The following ZBTB49 variants were observed in gnomAD, a reference collection of about 807,000 sequenced individuals.
The protein encoded by ZBTB49 is zinc finger and BTB domain-containing protein 49.
ZBTB49 carries 43 observed loss-of-function variants against 57.5 expected under a neutral mutation model. The ratio of observed to expected loss-of-function variants is 0.75; its 90% confidence interval spans 0.59 to 0.97. ZBTB49 has a LOEUF of 0.97. ZBTB49 is among the 50% of genes least tolerant of loss of function. ZBTB49 has a pLI of 0.00. For missense variants in ZBTB49, 938 were observed against 947.7 expected (o/e 0.99, Z 0.13); for synonymous variants, 369 against 362.1 (o/e 1.02, Z -0.22).
intron 7 of ZBTB49, among the ~76,000 whole-genome samples, chr4:4,319,602 C>T (rs971670954): frequency 6.6e-6 from 1 of 152,238 alleles, no homozygotes; most frequent in Non-Finnish European, 1.5e-5. Flanking sequence ...GAGCTGATCA[C>T]TTAAGGCCAG....
rs778343533 is a variant in ZBTB49, at chr4:4,302,344, T to C, written c.508T>C (p.Leu170=). The C allele has an allele frequency of 2.7e-5, 43 of 1,614,110 alleles. No homozygotes were observed. The highest frequency in any genetic ancestry group is 5.0e-5 in the Admixed American group (3 of 60,006). ...AGCAGATGCACAGCAGAACAAAACG[T>C]TGGATGAATCGCATCCGCATGCTTC... The part of the protein sequence containing the change: ...CSADAQQNKT[L]DESHPHASPS... The change falls in exon 3 of 8, where the codon TTG becomes CTG. Residue 170 remains leucine, a synonymous_variant. Transcript: ENST00000337872.
intron 4 of ZBTB49, among the ~76,000 whole-genome samples, chr4:4,310,877 A>G (rs1001552014): frequency 1.3e-5 from 2 of 152,068 alleles, no homozygotes; most frequent in African/African-American, 2.4e-5. Context: ...TGGTCTGTGC[A>G]CCTAAGATAT....
rs986768337 is a variant in ZBTB49 at position 4,301,973 on chromosome 4, T to C, written c.153-16T>C. 14 of 1,501,746 alleles carry C rather than the reference T, an allele frequency of 9.3e-6. No individual in the cohort carries two copies. Among genetic ancestry groups the C allele is most frequent in the Non-Finnish European group, 1.2e-5 (14 of 1,126,826 alleles). The allele number at this position is 1,501,746 out of a possible 1,614,324, so 93.0% of individuals were successfully genotyped here. ...GAATTTTTGGCACTGTAAACAGATATTCTTTCTTTTACCAGGAGCCTCTTT... is the reference window on the plus strand; with the variant it reads ...GAATTTTTGGCACTGTAAACAGATACTCTTTCTTTTACCAGGAGCCTCTTT... On this transcript the variant is annotated splice_polypyrimidine_tract_variant and intron_variant, in intron 2 of 7. Coordinates refer to ENST00000337872, the MANE Select transcript of ZBTB49 (RefSeq NM_145291.4).
chr4:4,297,717 T>G (rs1186498957), intron 1 of ZBTB49, among the ~76,000 whole-genome samples: 1 of 144,874 alleles, frequency 6.9e-6, no homozygotes, highest in East Asian at 2.0e-4. Context: ...AAGACTGCAG[T>G]GGGCTCTAAT....
At chr4:4,312,144 C>T (rs1222003636) in intron 4 of ZBTB49, among the ~76,000 whole-genome samples, 1 of 152,120 alleles carries the variant, frequency 6.6e-6, no homozygotes, top group African/African-American at 2.4e-5. Flanking sequence ...GGTATATTAC[C>T]TCATTTCAGT....
At chr4:4,310,941 G>A (rs1308740789) in intron 4 of ZBTB49, among the ~76,000 whole-genome samples, 1 of 152,130 alleles carries the variant, frequency 6.6e-6, no homozygotes, top group Non-Finnish European at 1.5e-5. Context: ...ATTGACTAAA[G>A]CTCTAATAAT....
intron 7 of ZBTB49, among the ~76,000 whole-genome samples, chr4:4,319,177 G>A (rs549236069): frequency 6.6e-6 from 1 of 152,120 alleles, no homozygotes; most frequent in Non-Finnish European, 1.5e-5. Context: ...ACAGGTGTGA[G>A]CCACCTCACC....
intron 1 of ZBTB49, among the ~76,000 whole-genome samples, chr4:4,295,306 G>C (rs184927318): frequency 1.3e-5 from 2 of 152,096 alleles, no homozygotes; most frequent in African/African-American, 2.4e-5. Flanking sequence ...GAACCGGGTG[G>C]GGGGAGCAGG....
At chr4:4,290,859 T>C (rs1719866539) in intron 1 of ZBTB49, among the ~76,000 whole-genome samples, 1 of 152,282 alleles carries the variant, frequency 6.6e-6, no homozygotes, top group Admixed American at 6.5e-5. Context: ...TAGCGGCACC[T>C]GCGTCCCTGG....
chr4:4,321,289 G>C lies in ZBTB49; in HGVS notation c.2271G>C (p.Leu757=). The change falls in exon 8 of 8, where the codon CTG becomes CTC. Residue 757 remains leucine, a synonymous_variant. Transcript: ENST00000337872. ...TCTGGGGGCTAGCGATGAAGACGCT[G>C]CAGAATGAAAACGAGTTAGACCAGT... ...MTLWGLAMKT[L]QNENELDQ The C allele has an allele frequency of 3.1e-6, 5 of 1,612,802 alleles. No individual in the cohort carries two copies. The highest frequency in any genetic ancestry group is 4.2e-6 in the Non-Finnish European group (5 of 1,180,016).
intron 6 of ZBTB49, 44 bp downstream of exon 6, chr4:4,315,762 A>C: frequency 1.2e-6 from 2 of 1,613,876 alleles, no homozygotes; most frequent in Non-Finnish European, 1.7e-6. Context: ...ATTTCTGATT[A>C]AAATGTTCTC....
chr4:4,309,836 C>A (rs1044558813), intron 4 of ZBTB49, among the ~76,000 whole-genome samples: 1 of 152,184 alleles, frequency 6.6e-6, no homozygotes, highest in South Asian at 2.1e-4. Flanking sequence ...ACACCTTTAC[C>A]GTTGAATGTC....
At chr4:4,293,560 G>A (rs1159046529) in intron 1 of ZBTB49, among the ~76,000 whole-genome samples, 5 of 152,196 alleles carry the variant, frequency 3.3e-5, no homozygotes. Context: ...CTGTTGCTGT[G>A]TAACACTCTA....
Position 4,302,575 on chromosome 4 carries a change from A to T in ZBTB49, c.739A>T (p.Thr247Ser), listed in dbSNP as rs781095798. 6.2e-7 allele frequency: 1 copy of T among 1,613,916 alleles called. No individual in the cohort carries two copies. Among genetic ancestry groups the T allele is most frequent in the African/African-American group, 1.3e-5 (1 of 74,926 alleles). Reference sequence around the variant, plus strand: ...GCAGCCTTTTGCTTTCAGCACCTCTACAGACCTTACCACGGTAGAGAGCCA... The same window carrying T: ...GCAGCCTTTTGCTTTCAGCACCTCTTCAGACCTTACCACGGTAGAGAGCCA... ...VEQPFAFSTS[T>S]DLTTVESQPC... The change falls in exon 3 of 8, where the codon ACA becomes TCA. Residue 247 changes from threonine to serine, a missense_variant. By Grantham distance (58) the Thr-to-Ser change is moderately conservative (BLOSUM62 1). This residue lies in a region of ZBTB49 where 835 missense variants were observed against 819.1 expected (regional missense o/e 1.02). Transcript: ENST00000337872.
At position 4,321,461 on chromosome 4, in the gene ZBTB49, T is replaced by C; in HGVS notation, c.*145T>C. The stretch of plus-strand genomic sequence containing the variant: ...TCCCTCCTGATGATGGCTCATAATC[T>C]GAAGCATCTTGAGCTGGGGGTGTGA... On this transcript the variant is annotated 3_prime_UTR_variant, in exon 8 of 8. Coordinates refer to ENST00000337872, the MANE Select transcript of ZBTB49 (RefSeq NM_145291.4). 1.1e-6 allele frequency: 1 copy of C among 883,372 alleles called. No homozygotes were observed. The highest frequency in any genetic ancestry group is 1.7e-5 in the South Asian group (1 of 58,312). 54.7% of individuals were successfully genotyped at this position (883,372 alleles called of 1,614,324 possible).
intron 5 of ZBTB49, 22 bp from the exon 6 acceptor site, chr4:4,315,613 TG>T: frequency 2.5e-6 from 4 of 1,612,122 alleles, no homozygotes; most frequent in Non-Finnish European, 3.4e-6. Context: ...GGCTCTTAAT[TG>T]AATTTTCAAA....
chr4:4,290,652 C>T (rs1400967701), intron 1 of ZBTB49, among the ~76,000 whole-genome samples: 3 of 152,252 alleles, frequency 2.0e-5, no homozygotes, highest in Non-Finnish European at 4.4e-5. Flanking sequence ...CCACCCGCGC[C>T]CTCTCATCTC....
At chr4:4,292,527 CAT>C (rs1466128628) in intron 1 of ZBTB49, among the ~76,000 whole-genome samples, 1 of 152,176 alleles carries the variant, frequency 6.6e-6, no homozygotes, top group East Asian at 1.9e-4. Context: ...ATCTGTTGCA[CAT>C]GTTAGGCACA....
chr4:4,309,189 G>C (rs1350740600), intron 4 of ZBTB49, among the ~76,000 whole-genome samples: 1 of 152,186 alleles, frequency 6.6e-6, no homozygotes, highest in East Asian at 1.9e-4. Flanking sequence ...TTTTAAAATA[G>C]TTAACCGCAG....
Sources: allele counts gnomAD v4.1 joint callset (sites outside exome capture counted in the v4.1 genomes callset), GRCh38; gene constraint gnomAD v4.1.1; regional missense constraint gnomAD v4.1.1; transcripts MANE v1.5; gene names NCBI Gene and HGNC (gene_info 2026-07-23, HGNC 2026-07-21).